Variants in ASTN2 observed in about 807,000 individuals in gnomAD.
The protein encoded by ASTN2 is astrotactin-2.
ASTN2 carries 54 observed loss-of-function variants against 139.8 expected under a neutral mutation model. That is an observed-to-expected ratio of 0.39 (90% CI 0.31 to 0.48). The LOEUF is 0.48. Among genes scored for constraint, ASTN2 ranks in the 20% least tolerant of loss-of-function variants. The probability of loss-of-function intolerance (pLI) is 0.95; values close to 1 mark genes in which losing one functional copy is unlikely to be tolerated. For synonymous variants in ASTN2, 756 were observed against 719.5 expected (o/e 1.05, Z -0.81); for missense variants, 1,565 against 1,725.1 (o/e 0.91, Z 1.64).
intron 12 of ASTN2, among the ~76,000 whole-genome samples, chr9:116,815,329 T>C (rs936209213): frequency 6.6e-6 from 1 of 152,188 alleles, no homozygotes; most frequent in African/African-American, 2.4e-5. Flanking sequence ...AAGGACTATT[T>C]GAGGCTGGAT....
chr9:117,256,344 T>C (rs1267620703), intron 2 of ASTN2, among the ~76,000 whole-genome samples: 1 of 152,192 alleles, frequency 6.6e-6, no homozygotes, highest in Non-Finnish European at 1.5e-5. Flanking sequence ...TCCTCAGAAA[T>C]GCCACTCTGA....
At chr9:117,241,396 A>T (rs1268928831) in intron 2 of ASTN2, among the ~76,000 whole-genome samples, 1 of 152,170 alleles carries the variant, frequency 6.6e-6, no homozygotes, top group Non-Finnish European at 1.5e-5. Context: ...TAGGAGGCCT[A>T]AACACAAAGA....
intron 16 of ASTN2, among the ~76,000 whole-genome samples, chr9:116,664,562 T>A: frequency 6.6e-6 from 1 of 151,072 alleles, no homozygotes. Flanking sequence ...GAAGCCAGAG[T>A]TCTGCAGTAT....
intron 20 of ASTN2, among the ~76,000 whole-genome samples, chr9:116,454,899 G>A (rs1848282071): frequency 2.0e-5 from 3 of 152,172 alleles, no homozygotes; most frequent in Admixed American, 1.3e-4. Flanking sequence ...TGGTGTGGGG[G>A]AAGAGGGAGG....
At chr9:117,266,621 C>T (rs1397353609) in intron 2 of ASTN2, among the ~76,000 whole-genome samples, 1 of 152,184 alleles carries the variant, frequency 6.6e-6, no homozygotes, top group African/African-American at 2.4e-5. Flanking sequence ...CCCATGTCTA[C>T]CACCTGCAAA....
At chr9:117,104,472 T>G (rs1829055102) in intron 4 of ASTN2, among the ~76,000 whole-genome samples, 1 of 151,756 alleles carries the variant, frequency 6.6e-6, no homozygotes, top group Admixed American at 6.6e-5. Flanking sequence ...ATTCTGTGTA[T>G]GTAATAAAAA....
At chr9:116,993,024 T>C (rs1836902580) in intron 7 of ASTN2, among the ~76,000 whole-genome samples, 1 of 152,176 alleles carries the variant, frequency 6.6e-6, no homozygotes, top group Non-Finnish European at 1.5e-5. Context: ...TTCCTACAGA[T>C]GTTTCCTCAA....
At chr9:116,601,983 G>A (rs1271551167) in intron 19 of ASTN2, among the ~76,000 whole-genome samples, 1 of 152,168 alleles carries the variant, frequency 6.6e-6, no homozygotes, top group Non-Finnish European at 1.5e-5. Flanking sequence ...AACAGATAAA[G>A]GGACCCTGCA....
chr9:116,452,919 C>T (rs2118928174), intron 20 of ASTN2, among the ~76,000 whole-genome samples: 1 of 152,210 alleles, frequency 6.6e-6, no homozygotes, highest in East Asian at 1.9e-4. Flanking sequence ...TCTCTTCCCA[C>T]ATCTGACCCT....
intron 17 of ASTN2, among the ~76,000 whole-genome samples, chr9:116,650,171 T>C (rs961973392): frequency 6.6e-6 from 1 of 152,144 alleles, no homozygotes; most frequent in Non-Finnish European, 1.5e-5. Context: ...GGAGGTGTTG[T>C]AGAAGGAGGA....
intron 7 of ASTN2, among the ~76,000 whole-genome samples, chr9:116,993,663 T>C (rs986067170): frequency 2.7e-5 from 4 of 148,180 alleles, no homozygotes; most frequent in Non-Finnish European, 5.9e-5. Flanking sequence ...ATATTTCATA[T>C]ATAGTAACGA....
intron 1 of ASTN2, among the ~76,000 whole-genome samples, chr9:117,311,165 C>T (rs1001691333): frequency 4.1e-5 from 6 of 146,612 alleles, no homozygotes; most frequent in African/African-American, 1.5e-4. Flanking sequence ...TGAGATAATG[C>T]ATATAAAGTG....
intron 13 of ASTN2, among the ~76,000 whole-genome samples, chr9:116,760,239 A>C (rs1829641707): frequency 1.3e-5 from 2 of 152,160 alleles, no homozygotes; most frequent in Non-Finnish European, 2.9e-5. Flanking sequence ...CTTTTGCCAC[A>C]CCCAGGAGAA....
rs745324847 is a variant in ASTN2, at chr9:116,697,710, G to A, written c.2806+28061C>T. On this transcript the variant is annotated intron_variant, in intron 16 of 22. Transcript: ENST00000313400. Reference sequence around the variant, plus strand: ...TGAATACTGTGCTGTTCAGTTCTGAGCTGTGCTAGCAATACCCTTCAAAGG... The same window carrying A: ...TGAATACTGTGCTGTTCAGTTCTGAACTGTGCTAGCAATACCCTTCAAAGG... The A allele has an allele frequency of 3.1e-6, 5 of 1,612,738 alleles. No homozygotes were observed. The East Asian group carries it at 1.1e-4, about 36-fold the overall frequency.
chr9:116,704,297 T>G (rs1470554722), intron 16 of ASTN2, among the ~76,000 whole-genome samples: 1 of 151,792 alleles, frequency 6.6e-6, no homozygotes, highest in Non-Finnish European at 1.5e-5. Context: ...GCATAATCTT[T>G]GTTATAACTG....
rs554487066 is a variant in ASTN2, at chr9:116,768,825, T to C, written c.2397-35302A>G. Among the ~76,000 whole-genome samples the C allele has an allele frequency of 3.9e-5, 6 of 152,328 alleles. No homozygotes were observed. In the South Asian group the frequency reaches 1.2e-3, roughly 32 times the overall value. Reference sequence around the variant, plus strand: ...CAGGACTATAAGAAATAAATTTATGTTGTTTATAGATTATCCAGTTTATGA... The same window carrying C: ...CAGGACTATAAGAAATAAATTTATGCTGTTTATAGATTATCCAGTTTATGA... On this transcript the variant is annotated intron_variant, in intron 13 of 22. Transcript: ENST00000313400.
chr9:117,007,743 C>T (rs1157015392), intron 7 of ASTN2, among the ~76,000 whole-genome samples: 3 of 152,128 alleles, frequency 2.0e-5, no homozygotes, highest in East Asian at 1.9e-4. Context: ...TTTTCATTCT[C>T]TTGTACTGAA....
intron 16 of ASTN2, among the ~76,000 whole-genome samples, chr9:116,705,508 T>A (rs545397413): frequency 6.6e-6 from 1 of 152,318 alleles, no homozygotes; most frequent in South Asian, 2.1e-4. Context: ...TGTGGTGATT[T>A]ACCCAGTTTA....
intron 13 of ASTN2, among the ~76,000 whole-genome samples, chr9:116,774,383 T>C (rs1444826801): frequency 6.6e-6 from 1 of 152,184 alleles, no homozygotes. Flanking sequence ...GTATCCTGGA[T>C]CCATGAAAGT....
Sources: allele counts gnomAD v4.1 joint callset (sites outside exome capture counted in the v4.1 genomes callset), GRCh38; gene constraint gnomAD v4.1.1; transcripts MANE v1.5; gene names NCBI Gene and HGNC (gene_info 2026-07-23, HGNC 2026-07-21).